RIMS2: variants seen among roughly 807,000 people sequenced by gnomAD.
The protein encoded by RIMS2 is regulating synaptic membrane exocytosis 2.
RIMS2 carries 59 observed loss-of-function variants against 174.4 expected under a neutral mutation model. That is an observed-to-expected ratio of 0.34 (90% CI 0.27 to 0.42). The LOEUF is 0.42. Ranked by LOEUF, RIMS2 falls within the 10% of genes least tolerant of loss-of-function variation. The pLI is 1.00. For missense variants in RIMS2, 1,620 were observed against 1,666.3 expected, an observed-to-expected ratio of 0.97 and a Z score of 0.48; for synonymous variants, 606 against 572.5, an observed-to-expected ratio of 1.06 and a Z score of -0.84.
intron 19 of RIMS2, 140 bp downstream of exon 25, chr8:104,148,988 C>A: frequency 2.4e-6 from 2 of 836,754 alleles, no homozygotes; most frequent in Non-Finnish European, 3.7e-6. Flanking sequence ...AACTAGTTAA[C>A]CTTTCTGAAA....
At chr8:103,603,988 A>T (rs1270164270) in intron 1 of RIMS2, among the ~76,000 whole-genome samples, 6 of 148,000 alleles carry the variant, frequency 4.1e-5, no homozygotes, top group African/African-American at 7.5e-5. Context: ...GCTGTGCAGA[A>T]GCTCTTTAGT....
chr8:103,603,115 T>C (rs1264916082), intron 1 of RIMS2, among the ~76,000 whole-genome samples: 2 of 150,636 alleles, frequency 1.3e-5, no homozygotes, highest in African/African-American at 4.9e-5. Context: ...TCATCTAGCA[T>C]TAGGTATATC....
intron 3 of RIMS2, among the ~76,000 whole-genome samples, chr8:103,771,891 C>A (rs919582671): frequency 2.0e-5 from 3 of 151,794 alleles, no homozygotes; most frequent in Admixed American, 1.3e-4. Flanking sequence ...GTATTTGTTT[C>A]TACATTTTTC....
intron 1 of RIMS2, chr8:103,568,969 T>C (rs2092598988): frequency 9.4e-6 from 6 of 641,104 alleles, no homozygotes; most frequent in South Asian, 8.1e-5. Flanking sequence ...TACAGCTGCA[T>C]GAGCTGATCA....
chr8:103,946,478 C>T (rs13267287), intron 14 of RIMS2, among the ~76,000 whole-genome samples: 1,800 of 151,884 alleles, frequency 0.012, 13 homozygotes, highest in Non-Finnish European at 0.02. Flanking sequence ...GGTGAGAGAG[C>T]GAGACTCCAT....
At chr8:103,892,451 G>A (rs921137121) in intron 4 of RIMS2, among the ~76,000 whole-genome samples, 1 of 151,760 alleles carries the variant, frequency 6.6e-6, no homozygotes, top group African/African-American at 2.4e-5. Context: ...CAATCCTCCT[G>A]CCTCAGCCTC....
At chr8:104,072,951 A>G (rs2097219491) in intron 19 of RIMS2, among the ~76,000 whole-genome samples, 1 of 152,178 alleles carries the variant, frequency 6.6e-6, no homozygotes, top group Non-Finnish European at 1.5e-5. Context: ...GTTTCCCTCA[A>G]AATAGAATTT....
chr8:103,975,021 A>G (rs776962495), intron 15 of RIMS2, among the ~76,000 whole-genome samples: 1 of 152,220 alleles, frequency 6.6e-6, no homozygotes, highest in East Asian at 1.9e-4. Flanking sequence ...CATTGAAGAG[A>G]TGAAAATATT....
intron 3 of RIMS2, among the ~76,000 whole-genome samples, chr8:103,779,189 A>G (rs573557524): frequency 7.1e-4 from 108 of 152,220 alleles, no homozygotes; most frequent in Middle Eastern, 3.4e-3. Flanking sequence ...TTCTGCCATT[A>G]TATGGGTTGT....
intron 3 of RIMS2, among the ~76,000 whole-genome samples, chr8:103,847,750 G>A (rs1363612288): frequency 6.6e-6 from 1 of 151,984 alleles, no homozygotes; most frequent in Non-Finnish European, 1.5e-5. Flanking sequence ...TTGAGGTTGG[G>A]GAGGGGTCTG....
chr8:103,603,048 C>G (rs1331039538), intron 1 of RIMS2, among the ~76,000 whole-genome samples: 1 of 151,354 alleles, frequency 6.6e-6, no homozygotes, highest in South Asian at 2.1e-4. Flanking sequence ...GCACATTGTG[C>G]AGGTTAGTTA....
intron 1 of RIMS2, among the ~76,000 whole-genome samples, chr8:103,533,521 ATCTGCT>A (rs1838235921): frequency 6.6e-6 from 1 of 152,094 alleles, no homozygotes; most frequent in East Asian, 1.9e-4. Context: ...CTGAAGTGGA[ATCTGCT>A]AAGATGTGTT....
At chr8:103,814,081 A>T (rs1238523229) in intron 3 of RIMS2, among the ~76,000 whole-genome samples, 1 of 152,176 alleles carries the variant, frequency 6.6e-6, no homozygotes, top group Non-Finnish European at 1.5e-5. Context: ...AAAGAACAAG[A>T]TTATGTTTTT....
At position 103,579,225 on chromosome 8, in the gene RIMS2, TCTCTCTCTCTCTCTCC is replaced by T. The variant is rs1335287333; in HGVS notation, c.176+78174_176+78189del. Among the ~76,000 whole-genome samples, 4 of 98,750 alleles carry T rather than the reference TCTCTCTCTCTCTCTCC, an allele frequency of 4.1e-5. No homozygotes were observed. In the East Asian group the frequency reaches 7.3e-4, roughly 18 times the overall value. The allele number at this position is 98,750 out of a possible 152,430, so 64.8% of individuals were successfully genotyped here. A position where few individuals can be genotyped will look rare whatever the true frequency, so the allele number is the denominator to read the frequency against. On this transcript the variant is annotated intron_variant, in intron 1 of 23. Transcript: ENST00000504942. ...CAGGACGAGGGCAGCATAGCAATAC[TCTCTCTCTCTCTCTCC>T]CTCTCTCTCTGTCTCTGTCTCACAC...
intron 19 of RIMS2, among the ~76,000 whole-genome samples, chr8:104,134,882 A>G (rs1240687149): frequency 1.3e-5 from 2 of 152,154 alleles, no homozygotes; most frequent in African/African-American, 2.4e-5. Flanking sequence ...TCTTACTTCA[A>G]TTTAAGCAGA....
At chr8:104,051,049 C>A (rs1404317027) in intron 19 of RIMS2, among the ~76,000 whole-genome samples, 3 of 151,964 alleles carry the variant, frequency 2.0e-5, no homozygotes, top group Non-Finnish European at 4.4e-5. Flanking sequence ...CCAGACTGGA[C>A]AACACAGCAA....
intron 3 of RIMS2, among the ~76,000 whole-genome samples, chr8:103,845,229 C>CT (rs377052450): frequency 5.9e-5 from 9 of 152,106 alleles, no homozygotes; most frequent in African/African-American, 2.2e-4. Context: ...GTACATCACT[C>CT]TTTTTTATAT....
intron 19 of RIMS2, among the ~76,000 whole-genome samples, chr8:104,049,336 G>T (rs2096746540): frequency 6.6e-6 from 1 of 151,964 alleles, no homozygotes; most frequent in African/African-American, 2.4e-5. Flanking sequence ...GGAGAATGGC[G>T]TGAACCCGAA....
intron 3 of RIMS2, among the ~76,000 whole-genome samples, chr8:103,852,145 A>T (rs2099002149): frequency 6.6e-6 from 1 of 151,960 alleles, no homozygotes. Flanking sequence ...TTCCAGCAAG[A>T]TTGGATCCTG....
Sources: gnomAD v4.1 joint callset for allele counts (sites outside exome capture counted in the v4.1 genomes callset) on GRCh38, gnomAD v4.1.1 for gene constraint, MANE v1.5 for transcripts, NCBI Gene and HGNC (gene_info 2026-07-23, HGNC 2026-07-21) for gene names.